Variants in STX8 observed in about 807,000 individuals in gnomAD.
The protein encoded by STX8 is syntaxin 8.
In STX8, 23 loss-of-function variants were observed where a neutral mutation model predicts 37.5. The observed-to-expected ratio is 0.61, with a 90% CI of 0.44 to 0.87. The LOEUF (loss-of-function observed/expected upper bound fraction) is 0.87, where lower values mean the gene tolerates loss of function less well. Among genes scored for constraint, STX8 ranks in the 40% least tolerant of loss-of-function variants. The probability of loss-of-function intolerance (pLI) is 0.00; values close to 1 mark genes in which losing one functional copy is unlikely to be tolerated. For missense variants in STX8, 313 were observed against 284.7 expected, an observed-to-expected ratio of 1.10 and a Z score of -0.71; for synonymous variants, 115 against 99.1, an observed-to-expected ratio of 1.16 and a Z score of -0.95.
Position 9,543,116 on chromosome 17 carries a change from G to A in STX8, c.323+2056C>T, listed in dbSNP as rs111638130. On this transcript the variant is annotated intron_variant, in intron 4 of 7. Transcript: ENST00000306357. ...AATGGGAACCATGACTATTCATCACGACTGCCTCATCACTACCAAGCAGAA... is the reference window on the plus strand; with the variant it reads ...AATGGGAACCATGACTATTCATCACAACTGCCTCATCACTACCAAGCAGAA... Among the ~76,000 whole-genome samples, 538 of 152,118 alleles carry A rather than the reference G, an allele frequency of 3.5e-3. 2 individuals carry two copies. Among genetic ancestry groups the A allele is most frequent in the African/African-American group, 0.012 (502 of 41,504 alleles).
At chr17:9,299,072 G>T (rs546246455) in intron 7 of STX8, among the ~76,000 whole-genome samples, 1 of 152,206 alleles carries the variant, frequency 6.6e-6, no homozygotes, top group South Asian at 2.1e-4. Flanking sequence ...TTGGTAGAAG[G>T]TCATTTCCCT....
intron 4 of STX8, among the ~76,000 whole-genome samples, chr17:9,521,898 T>C (rs902074509): frequency 1.3e-5 from 2 of 152,214 alleles, no homozygotes; most frequent in African/African-American, 4.8e-5. Context: ...CAATCAAATA[T>C]TGTTCTAATT....
chr17:9,429,266 AT>A (rs1161328763), intron 6 of STX8, among the ~76,000 whole-genome samples: 2 of 147,064 alleles, frequency 1.4e-5, no homozygotes, highest in South Asian at 4.2e-4. Flanking sequence ...AAAATGGCAC[AT>A]TTTGTTTTAT....
At chr17:9,489,156 C>T (rs1170604871) in intron 6 of STX8, among the ~76,000 whole-genome samples, 1 of 152,104 alleles carries the variant, frequency 6.6e-6, no homozygotes, top group African/African-American at 2.4e-5. Context: ...GGATTACAGG[C>T]GTGAGCCACT....
At chr17:9,394,186 T>C (rs1314374113) in intron 6 of STX8, among the ~76,000 whole-genome samples, 1 of 152,058 alleles carries the variant, frequency 6.6e-6, no homozygotes, top group African/African-American at 2.4e-5. Flanking sequence ...GAATTTGCCA[T>C]GTCTACTGGA....
At chr17:9,387,425 A>AG (rs753359904) in intron 6 of STX8, among the ~76,000 whole-genome samples, 5 of 152,104 alleles carry the variant, frequency 3.3e-5, no homozygotes, top group Non-Finnish European at 7.4e-5. Flanking sequence ...CCTCCCGAGT[A>AG]ATGGGACTAC....
chr17:9,509,805 T>A (rs1904965768), intron 4 of STX8, among the ~76,000 whole-genome samples: 1 of 147,904 alleles, frequency 6.8e-6, no homozygotes, highest in African/African-American at 2.5e-5. Context: ...GAATTAAATA[T>A]CTCATTAAAA....
At chr17:9,504,988 A>AAAAAAAAAAC (rs1904767292) in intron 5 of STX8, 50 bp downstream of exon 5, 1 of 1,500,158 alleles carries the variant, frequency 6.7e-7, no homozygotes. Flanking sequence ...AAAAAAAAAA[A>AAAAAAAAAAC]AAAATTCTGG....
chr17:9,276,883 G>A (rs574436376), intron 7 of STX8, among the ~76,000 whole-genome samples: 12 of 151,812 alleles, frequency 7.9e-5, no homozygotes, highest in African/African-American at 2.4e-4. Context: ...TGATCCGCCC[G>A]CCTCGGCCTC....
At chr17:9,270,065 A>G in intron 7 of STX8, among the ~76,000 whole-genome samples, 1 of 152,246 alleles carries the variant, frequency 6.6e-6, no homozygotes, top group South Asian at 2.1e-4. Flanking sequence ...TTTGGGGTTA[A>G]ATAACAGGCC....
intron 4 of STX8, among the ~76,000 whole-genome samples, chr17:9,518,367 C>T (rs16958394): frequency 0.035 from 5,322 of 152,134 alleles, 294 homozygotes; most frequent in African/African-American, 0.12. Flanking sequence ...AGCTTATTAT[C>T]CCCCTTTCCA....
At chr17:9,411,375 T>G (rs1159960158) in intron 6 of STX8, among the ~76,000 whole-genome samples, 1 of 152,230 alleles carries the variant, frequency 6.6e-6, no homozygotes, top group African/African-American at 2.4e-5. Context: ...TGTCTTATTT[T>G]TCATACTGTG....
intron 7 of STX8, among the ~76,000 whole-genome samples, chr17:9,349,729 GTC>G (rs71135969): frequency 2.2e-4 from 33 of 148,184 alleles, no homozygotes; most frequent in African/African-American, 2.7e-4. Context: ...TGTGAATGTG[GTC>G]TCTCTCTCTC....
chr17:9,393,864 A>G (rs1255232216), intron 6 of STX8, among the ~76,000 whole-genome samples: 1 of 152,218 alleles, frequency 6.6e-6, no homozygotes, highest in Non-Finnish European at 1.5e-5. Flanking sequence ...AAGAAACACA[A>G]GGAAGTTTCT....
Position 9,305,738 on chromosome 17 carries a change from CT to C in STX8, c.644-55094del, listed in dbSNP as rs751052478. On this transcript the variant is annotated intron_variant, in intron 7 of 7. Transcript: ENST00000306357. ...ATACAGGTCCCCTATACAGGTGCAT[CT>C]TTTTTTTTTTTTTTTTTTTTTTTGA... is the stretch of plus-strand genomic sequence containing the variant. 578 of 84,352 alleles carry C rather than the reference CT, an allele frequency of 6.9e-3. 2 individuals are homozygous for C. Among genetic ancestry groups the C allele is most frequent in the Middle Eastern group, 0.034 (4 of 116 alleles). 5.2% of individuals were successfully genotyped at this position (84,352 alleles called of 1,614,324 possible).
At chr17:9,363,349 A>C (rs1157161781) in intron 7 of STX8, among the ~76,000 whole-genome samples, 1 of 152,126 alleles carries the variant, frequency 6.6e-6, no homozygotes, top group Non-Finnish European at 1.5e-5. Flanking sequence ...TAAAAGAAAA[A>C]TCTATATATA....
chr17:9,474,500 G>C (rs1906017578), intron 6 of STX8, among the ~76,000 whole-genome samples: 2 of 152,130 alleles, frequency 1.3e-5, no homozygotes, highest in South Asian at 4.2e-4. Flanking sequence ...AGCCTCCCAA[G>C]TAGCTGGGAC....
intron 6 of STX8, among the ~76,000 whole-genome samples, chr17:9,477,172 T>A (rs1279306999): frequency 1.3e-5 from 2 of 152,130 alleles, no homozygotes; most frequent in Non-Finnish European, 2.9e-5. Flanking sequence ...GTTCCTCTGC[T>A]TAAAAGGATA....
intron 7 of STX8, among the ~76,000 whole-genome samples, chr17:9,268,803 G>C (rs1188254600): frequency 6.6e-6 from 1 of 152,198 alleles, no homozygotes; most frequent in African/African-American, 2.4e-5. Context: ...CTGAAAACAA[G>C]TGGACAAGAT....
Sources: gnomAD v4.1 joint callset for allele counts (sites outside exome capture counted in the v4.1 genomes callset) on GRCh38, gnomAD v4.1.1 for gene constraint, MANE v1.5 for transcripts, NCBI Gene and HGNC (gene_info 2026-07-23, HGNC 2026-07-21) for gene names.